Variants in AGBL4 observed in about 807,000 individuals in gnomAD.
AGBL4 encodes cytosolic carboxypeptidase 6.
AGBL4 carries 58 observed loss-of-function variants against 66.4 expected under a neutral mutation model. The ratio of observed to expected loss-of-function variants is 0.87; its 90% CI spans 0.71 to 1.09. AGBL4 has a LOEUF of 1.09. Among genes scored for constraint, AGBL4 ranks in the 50% least tolerant of loss-of-function variants. AGBL4 has a pLI of 0.00. For missense variants in AGBL4, 579 were observed against 631.0 expected, an observed-to-expected ratio of 0.92 and a Z score of 0.88; for synonymous variants, 234 against 222.9, an observed-to-expected ratio of 1.05 and a Z score of -0.44.
chr1:49,543,506 C>T (rs1652229965), intron 3 of AGBL4, among the ~76,000 whole-genome samples: 1 of 151,912 alleles, frequency 6.6e-6, no homozygotes, highest in African/African-American at 2.4e-5. Flanking sequence ...AAGAAAAGCA[C>T]ACTCAGGCCT....
chr1:48,548,242 A>T (rs1249826748), intron 11 of AGBL4, among the ~76,000 whole-genome samples: 2 of 91,712 alleles, frequency 2.2e-5, no homozygotes, highest in Admixed American at 1.0e-4. Flanking sequence ...TGGGGCCAAG[A>T]AGAAGATCGC....
intron 2 of AGBL4, among the ~76,000 whole-genome samples, chr1:49,747,203 T>G (rs1651054329): frequency 6.6e-6 from 1 of 152,138 alleles, no homozygotes. Flanking sequence ...TTTTGCTTTA[T>G]TCCTTTTCCA....
At chr1:48,990,206 T>C (rs892162318) in intron 5 of AGBL4, among the ~76,000 whole-genome samples, 8 of 152,162 alleles carry the variant, frequency 5.3e-5, no homozygotes, top group Admixed American at 3.3e-4. Flanking sequence ...AGTCAAATCT[T>C]TTGCTTATTT....
rs917401705 is a variant in AGBL4 at position 48,794,607 on chromosome 1, G to A, written c.634+72584C>T. Among the ~76,000 whole-genome samples, 5 of 152,196 alleles carry A rather than the reference G, an allele frequency of 3.3e-5. No homozygotes were observed. In the East Asian group the frequency reaches 5.8e-4, roughly 18 times the overall value. The stretch of plus-strand genomic sequence containing the variant: ...CTTTGCCTCATTTGGTCTCTCAGGA[G>A]CATTCACACTGTTGACCTTGCCTTT... On this transcript the variant is annotated intron_variant, in intron 6 of 13. Transcript: ENST00000371839.
At chr1:48,920,740 G>C (rs976455684) in intron 5 of AGBL4, among the ~76,000 whole-genome samples, 47 of 152,252 alleles carry the variant, frequency 3.1e-4, no homozygotes, top group African/African-American at 1.1e-3. Context: ...TCCGCATGTT[G>C]GAAACTATCC....
intron 2 of AGBL4, among the ~76,000 whole-genome samples, chr1:49,713,976 A>T: frequency 6.6e-6 from 1 of 152,022 alleles, no homozygotes; most frequent in Admixed American, 6.6e-5. Context: ...AGTTTTTACC[A>T]TATGCCAAAC....
chr1:49,820,111 T>C (rs1443661772), intron 2 of AGBL4, among the ~76,000 whole-genome samples: 2 of 152,192 alleles, frequency 1.3e-5, no homozygotes, highest in African/African-American at 4.8e-5. Flanking sequence ...GGTGTCATGG[T>C]ACCCAGACAT....
At chr1:49,596,581 G>A (rs752934000) in intron 3 of AGBL4, among the ~76,000 whole-genome samples, 2 of 152,182 alleles carry the variant, frequency 1.3e-5, no homozygotes, top group South Asian at 4.1e-4. Context: ...ATGTATGTTA[G>A]TAAGAAGGCA....
At chr1:49,825,674 C>A (rs2148002478) in intron 2 of AGBL4, among the ~76,000 whole-genome samples, 1 of 152,264 alleles carries the variant, frequency 6.6e-6, no homozygotes, top group African/African-American at 2.4e-5. Context: ...CAGTTGAAGA[C>A]TTGAATAGAA....
Position 49,565,780 on chromosome 1 carries a change from C to T in AGBL4, c.282+131533G>A, listed in dbSNP as rs375971154. 4.7e-4 allele frequency among the ~76,000 whole-genome samples: 72 copies of T among 152,162 alleles called. 1 individual carries two copies. In the South Asian group the frequency reaches 9.6e-3, roughly 20 times the overall value. ...TGGTGAATCTGACAAGTATGTGTCT[C>T]GGAGTTGCTCTTCTTGAGGAGTATC... On this transcript the variant is annotated intron_variant, in intron 3 of 13. Coordinates refer to ENST00000371839, the MANE Select transcript of AGBL4 (RefSeq NM_032785.4).
At chr1:48,880,066 C>T (rs1434504932) in intron 5 of AGBL4, among the ~76,000 whole-genome samples, 2 of 152,122 alleles carry the variant, frequency 1.3e-5, no homozygotes, top group African/African-American at 4.8e-5. Context: ...CACCCACCAC[C>T]TGAGCAGTAT....
At chr1:49,353,580 G>A (rs1159512797) in intron 3 of AGBL4, among the ~76,000 whole-genome samples, 1 of 152,132 alleles carries the variant, frequency 6.6e-6, no homozygotes, top group African/African-American at 2.4e-5. Context: ...GGGTAGAAGA[G>A]GGCAGTTCCC....
chr1:48,737,653 C>T (rs1310887944), intron 6 of AGBL4, among the ~76,000 whole-genome samples: 2 of 152,140 alleles, frequency 1.3e-5, no homozygotes, highest in Non-Finnish European at 2.9e-5. Flanking sequence ...CAGTGCAGAG[C>T]CAATAAGACC....
At chr1:48,815,212 C>G (rs1457534271) in intron 6 of AGBL4, among the ~76,000 whole-genome samples, 4 of 152,064 alleles carry the variant, frequency 2.6e-5, no homozygotes, top group Non-Finnish European at 5.9e-5. Context: ...AATGTCTGTT[C>G]AGATCATTTG....
intron 4 of AGBL4, among the ~76,000 whole-genome samples, chr1:49,133,216 C>T (rs1245091896): frequency 3.3e-5 from 5 of 152,026 alleles, no homozygotes; most frequent in Non-Finnish European, 7.4e-5. Flanking sequence ...GAGAGGGGAA[C>T]ACCACACACT....
At chr1:50,021,715 C>G (rs545143730) in intron 1 of AGBL4, among the ~76,000 whole-genome samples, 1 of 152,278 alleles carries the variant, frequency 6.6e-6, no homozygotes, top group African/African-American at 2.4e-5. Context: ...CTGTACTCTC[C>G]TCAATGTAGC....
At chr1:49,001,026 T>A (rs1661357778) in intron 5 of AGBL4, among the ~76,000 whole-genome samples, 1 of 152,204 alleles carries the variant, frequency 6.6e-6, no homozygotes, top group Admixed American at 6.5e-5. Flanking sequence ...AACTATATCA[T>A]CTTTAATGAG....
chr1:49,793,470 A>G (rs1644653629), intron 2 of AGBL4, among the ~76,000 whole-genome samples: 1 of 152,020 alleles, frequency 6.6e-6, no homozygotes, highest in African/African-American at 2.4e-5. Flanking sequence ...AGAACTGAAG[A>G]AAAGCATACA....
intron 2 of AGBL4, among the ~76,000 whole-genome samples, chr1:49,803,375 TG>T (rs1557462699): frequency 1.9e-4 from 29 of 152,196 alleles, no homozygotes; most frequent in African/African-American, 7.0e-4. Flanking sequence ...TCTCTACTTT[TG>T]TCTCTACTGC....
Sources: gnomAD v4.1 joint callset for allele counts (sites outside exome capture counted in the v4.1 genomes callset) on GRCh38, gnomAD v4.1.1 for gene constraint, MANE v1.5 for transcripts, NCBI Gene and HGNC (gene_info 2026-07-23, HGNC 2026-07-21) for gene names.